The following CELSR2 variants were observed in gnomAD, a reference collection of about 807,000 sequenced individuals.
CELSR2 encodes cadherin EGF LAG seven-pass G-type receptor 2, also known as EGF-like protein 2.
A neutral mutation model predicts 251.6 loss-of-function variants in CELSR2; 81 were observed. The observed-to-expected ratio is 0.32, with a 90% CI of 0.27 to 0.39. The LOEUF is 0.39. Among genes scored for constraint, CELSR2 ranks in the 10% least tolerant of loss-of-function variants. The probability of loss-of-function intolerance (pLI) is 1.00; values close to 1 mark genes in which losing one functional copy is unlikely to be tolerated. For synonymous variants in CELSR2, 1,721 were observed against 1,670.5 expected (o/e 1.03, Z -0.74); for missense variants, 3,365 against 3,947.7 (o/e 0.85, Z 3.96).
At position 109,269,580 on chromosome 1, in the gene CELSR2, C is replaced by T. The variant is rs1215217352; in HGVS notation, c.6969C>T (p.Asn2323=). 9 of 1,614,006 alleles carry T rather than the reference C, an allele frequency of 5.6e-6. No homozygotes were observed. Among genetic ancestry groups the T allele is most frequent in the Non-Finnish European group, 7.6e-6 (9 of 1,180,016 alleles). The change falls in exon 21 of 34, where the codon AAC becomes AAT. Residue 2323 remains asparagine, a synonymous_variant. Coordinates refer to ENST00000271332, the MANE Select transcript of CELSR2 (RefSeq NM_001408.3). The surrounding 1 kb of genome is among the most constrained non-coding windows in gnomAD (Gnocchi z 6.4). ...CCAAGCCCATCTGTGTCTTCTGGAA[C>T]CATTCAATCCTGTGAGCCTGCACTG... ...ERTKPICVFW[N]HSILVSGTGG...
chr1:109,270,505 A>G lies in CELSR2; in HGVS notation c.7388A>G (p.His2463Arg). Residue 2463 changes from histidine to arginine, a missense_variant, in exon 24 of 34, where the codon CAC becomes CGC. His to Arg is a conservative substitution (Grantham distance 29). Coordinates refer to ENST00000271332, the MANE Select transcript of CELSR2 (RefSeq NM_001408.3). ...TFSWALLEAL[H>R]LYRALTEVRD... The stretch of plus-strand genomic sequence containing the variant: ...TCCTGGGCTCTGCTGGAGGCCTTGC[A>G]CCTGTACCGGGCACTCACTGAGGTG... 1.2e-6 allele frequency: 2 copies of G among 1,614,116 alleles called. No individual in the cohort carries two copies. The highest frequency in any genetic ancestry group is 1.7e-6 in the Non-Finnish European group (2 of 1,180,014).
chr1:109,269,718 G>T lies in CELSR2; in HGVS notation c.7005G>T (p.Ser2335=), dbSNP rs112535276. The part of the protein sequence containing the change: ...SILVSGTGGW[S]ARGCEVVFRN... The stretch of plus-strand genomic sequence containing the variant: ...GGGTCAGTGGCACAGGTGGCTGGTC[G>T]GCCAGAGGCTGTGAAGTCGTCTTCC... Residue 2335 remains serine, a synonymous_variant, in exon 22 of 34, where the codon TCG becomes TCT. Transcript: ENST00000271332. The surrounding 1 kb of genome is among the most constrained non-coding windows in gnomAD (Gnocchi z 6.4). 2.5e-6 allele frequency: 4 copies of T among 1,613,902 alleles called. No individual in the cohort carries two copies. In the South Asian group the frequency reaches 4.4e-5, roughly 18 times the overall value.
In CELSR2 at chr1:109,250,097, C is replaced by T. The variant is rs774501777; in HGVS notation, c.18C>T (p.Thr6=). The change falls in exon 1 of 34, where the codon ACC becomes ACT. Residue 6 remains threonine (T), a synonymous_variant. Coordinates refer to ENST00000271332, the MANE Select transcript of CELSR2 (RefSeq NM_001408.3). This position sits in a 1 kb window ranked among gnomAD's most constrained non-coding sequence, Gnocchi z 4.4. MRSPA[T]GVPLPTPPPP... is the part of the protein sequence containing the mutation. ...TGGGAGAGATGCGGAGCCCGGCCAC[C>T]GGCGTCCCCCTCCCAACGCCGCCGC... 2.0e-6 allele frequency: 3 copies of T among 1,530,868 alleles called. No homozygotes were observed. Among genetic ancestry groups the T allele is most frequent in the Middle Eastern group, 2.1e-4 (1 of 4,664 alleles). 94.8% of individuals were successfully genotyped at this position (1,530,868 alleles called of 1,614,324 possible). A position where few individuals can be genotyped will look rare whatever the true frequency, so the allele number is the denominator to read the frequency against.
chr1:109,267,901 G>A lies in CELSR2; in HGVS notation c.6159G>A (p.Gln2053=), dbSNP rs1165128428. 3.1e-5 allele frequency: 50 copies of A among 1,610,238 alleles called. No homozygotes were observed. The highest frequency in any genetic ancestry group is 4.0e-5 in the Non-Finnish European group (47 of 1,179,270). The change falls in exon 17 of 34, where the codon CAG becomes CAA. Residue 2053 remains glutamine (Q), a synonymous_variant. Transcript: ENST00000271332. ...NESGLDSGRS[Q]QLALLLRNAT... ...CAGGCCTAGACTCAGGGCGCTCCCAGCAGCTAGCCCTGCTCCTGCGCAACG... is the reference window on the plus strand; with the variant it reads ...CAGGCCTAGACTCAGGGCGCTCCCAACAGCTAGCCCTGCTCCTGCGCAACG...
rs750369884 is a variant in CELSR2 at position 109,251,894 on chromosome 1, C to T, written c.1815C>T (p.Asp605=). ...SVSVTVLDVN[D]NNPTFTQPEY... is the part of the protein sequence containing the mutation. ...GCGTGACTGTCCTGGATGTCAACGA[C>T]AACAATCCAACCTTTACCCAACCAG... The change falls in exon 1 of 34, where the codon GAC becomes GAT. Residue 605 remains aspartate (D), a synonymous_variant. Transcript: ENST00000271332. The surrounding 1 kb of genome is among the most constrained non-coding windows in gnomAD (Gnocchi z 4.9). 16 of 1,613,996 alleles carry T rather than the reference C, an allele frequency of 9.9e-6. No homozygotes were observed. Among genetic ancestry groups the T allele is most frequent in the Non-Finnish European group, 1.4e-5 (16 of 1,180,020 alleles).
chr1:109,267,285 A>G (rs951861778), intron 15 of CELSR2, among the ~76,000 whole-genome samples: 4 of 152,090 alleles, frequency 2.6e-5, no homozygotes, highest in African/African-American at 9.7e-5. Context: ...CGGAGAGCAC[A>G]AAGTGGTGGC....
At chr1:109,259,380 GAACAAGTTACTT>G (rs1224633376) in intron 2 of CELSR2, among the ~76,000 whole-genome samples, 1 of 152,270 alleles carries the variant, frequency 6.6e-6, no homozygotes, top group Non-Finnish European at 1.5e-5. Flanking sequence ...GTGTGACCTT[GAACAAGTTACTT>G]AACCTTTCTG....
chr1:109,250,612 C>T lies in CELSR2; in HGVS notation c.533C>T (p.Ala178Val), dbSNP rs1021363621. The change falls in exon 1 of 34, where the codon GCC (alanine) becomes GTC (valine). Residue 178 changes from alanine to valine, a missense_variant. Physicochemically the swap from Ala to Val is moderately conservative, Grantham distance 64. Around this residue, in one of 5 missense-constraint regions of CELSR2, gnomAD observed 704 missense variants for 784.1 expected, o/e 0.90. Transcript: ENST00000271332. The surrounding 1 kb of genome is among the most constrained non-coding windows in gnomAD (Gnocchi z 4.4). Reference protein sequence around the residue: ...GGRRKRNVNTAPQFQPPSYQA... With the variant: ...GGRRKRNVNTVPQFQPPSYQA... Reference sequence around the variant, plus strand: ...CGTCGGAAAAGGAATGTAAATACAGCCCCCCAGTTCCAGCCCCCCAGCTAC... The same window carrying T: ...CGTCGGAAAAGGAATGTAAATACAGTCCCCCAGTTCCAGCCCCCCAGCTAC... 1.2e-6 allele frequency: 2 copies of T among 1,613,814 alleles called. No homozygotes were observed. The highest frequency in any genetic ancestry group is 1.3e-5 in the African/African-American group (1 of 74,878).
Position 109,269,981 on chromosome 1 carries a change from G to A in CELSR2, c.7156G>A (p.Val2386Ile). The stretch of plus-strand genomic sequence containing the variant: ...GACACTGACATACGTGGCTCTAGGT[G>A]TCACCTTGGCTGCCCTTCTGCTCAC... ...LKTLTYVALG[V>I]TLAALLLTFF... Residue 2386 changes from valine to isoleucine, a missense_variant, in exon 23 of 34, where the codon GTC (valine) becomes ATC (isoleucine). Physicochemically the swap from Val to Ile is conservative, Grantham distance 29 (BLOSUM62 3). Transcript: ENST00000271332. The surrounding 1 kb of genome is among the most constrained non-coding windows in gnomAD (Gnocchi z 6.4). 1 of 1,614,098 alleles carries A rather than the reference G, an allele frequency of 6.2e-7. No homozygotes were observed. Among genetic ancestry groups the A allele is most frequent in the Non-Finnish European group, 8.5e-7 (1 of 1,179,990 alleles).
chr1:109,273,588 C>A lies in CELSR2; in HGVS notation c.8662C>A (p.Leu2888Ile). 2 of 1,557,892 alleles carry A rather than the reference C, an allele frequency of 1.3e-6. No homozygotes were observed. Among genetic ancestry groups the A allele is most frequent in the Non-Finnish European group, 1.7e-6 (2 of 1,151,212 alleles). ...TCCCCGCCCACCGCCCCGGCAGAGC[C>A]TCCAGGAGCAGCTGAACGGGGTCAT... is the stretch of plus-strand genomic sequence containing the variant. ...PPPRPPPRQS[L>I]QEQLNGVMPI... Residue 2888 changes from leucine to isoleucine, a missense_variant, in exon 33 of 34, where the codon CTC (leucine) becomes ATC (isoleucine). Leu to Ile is a conservative substitution (Grantham distance 5). This residue lies in a region of CELSR2 where 2,093 missense variants were observed against 2,382.8 expected (regional missense o/e 0.88). Coordinates refer to ENST00000271332, the MANE Select transcript of CELSR2 (RefSeq NM_001408.3).
At position 109,252,360 on chromosome 1, in the gene CELSR2, G is replaced by A. The variant is rs140334317; in HGVS notation, c.2281G>A (p.Asp761Asn). 2.2e-5 allele frequency: 35 copies of A among 1,613,016 alleles called. No homozygotes were observed. Among genetic ancestry groups the A allele is most frequent in the South Asian group, 4.4e-5 (4 of 91,084 alleles). The change falls in exon 1 of 34, where the codon GAT becomes AAT. Residue 761 changes from aspartate to asparagine, a missense_variant. Asp to Asn is a conservative substitution (Grantham distance 23). Coordinates refer to ENST00000271332, the MANE Select transcript of CELSR2 (RefSeq NM_001408.3). The surrounding 1 kb of genome is among the most constrained non-coding windows in gnomAD (Gnocchi z 4.8). ...GGACAGCATCCCCCAGTTCCGCATCGATGCAGACACGGGGGCTGTCACCAC... is the reference window on the plus strand; with the variant it reads ...GGACAGCATCCCCCAGTTCCGCATCAATGCAGACACGGGGGCTGTCACCAC... Reference protein sequence around the residue: ...MEDSIPQFRIDADTGAVTTQA... With the variant: ...MEDSIPQFRINADTGAVTTQA...
chr1:109,253,776 C>T (rs373857722), intron 1 of CELSR2, among the ~76,000 whole-genome samples: 5 of 152,156 alleles, frequency 3.3e-5, no homozygotes, highest in South Asian at 4.1e-4. Flanking sequence ...GGAGAGGAGG[C>T]GAGGCCAGGG....
chr1:109,261,386 G>A lies in CELSR2; in HGVS notation c.4181+122G>A, dbSNP rs1356929893. The A allele has an allele frequency of 7.4e-7, 1 of 1,343,420 alleles. No individual in the cohort carries two copies. The highest frequency in any genetic ancestry group is 2.3e-5 in the East Asian group (1 of 43,468). The allele number at this position is 1,343,420 out of a possible 1,614,324, so 83.2% of individuals were successfully genotyped here. On this transcript the variant is annotated intron_variant, in intron 3 of 33. Transcript: ENST00000271332. This position sits in a 1 kb window ranked among gnomAD's most constrained non-coding sequence, Gnocchi z 4.8. ...GTGGAGCAGGCTGCCGGCAGAGCCA[G>A]GTCTGCTCTTGGAGTTGCCTGTGGT...
rs371574420 is a variant in CELSR2, at chr1:109,251,138, C to T, written c.1059C>T (p.Gly353=). The T allele has an allele frequency of 1.2e-6, 2 of 1,613,126 alleles. No homozygotes were observed. The highest frequency in any genetic ancestry group is 1.1e-5 in the South Asian group (1 of 91,068). Residue 353 remains glycine, a synonymous_variant, in exon 1 of 34, where the codon GGC becomes GGT. Transcript: ENST00000271332. This position sits in a 1 kb window ranked among gnomAD's most constrained non-coding sequence, Gnocchi z 4.9. The part of the protein sequence containing the change: ...DPRSGVIRTR[G]PVDREEVESY... ...GCTCTGGGGTGATCCGAACCCGTGG[C>T]CCTGTGGATCGGGAAGAGGTGGAAT...
At chr1:109,254,506 G>A (rs1010847597) in intron 1 of CELSR2, among the ~76,000 whole-genome samples, 4 of 152,180 alleles carry the variant, frequency 2.6e-5, no homozygotes, top group East Asian at 1.9e-4. Flanking sequence ...CCAAGTTGCT[G>A]AGTGCCTTCC....
At position 109,262,307 on chromosome 1, in the gene CELSR2, G is replaced by A; in HGVS notation, c.4407G>A (p.Gly1469=). The change falls in exon 6 of 34, where the codon GGG becomes GGA. Residue 1469 remains glycine (G), a synonymous_variant. Transcript: ENST00000271332. The stretch of plus-strand genomic sequence containing the variant: ...CACAGCCACTGTTGGGTCAGACAGG[G>A]CTCCCACAGGGCCCATCAGAGCAGA... ...YYNKPLLGQT[G]LPQGPSEQKV... is the part of the protein sequence containing the mutation. 6.2e-7 allele frequency: 1 copy of A among 1,614,094 alleles called. No individual in the cohort carries two copies. The highest frequency in any genetic ancestry group is 8.5e-7 in the Non-Finnish European group (1 of 1,180,050).
At chr1:109,255,542 A>G (rs1291537125) in intron 1 of CELSR2, among the ~76,000 whole-genome samples, 1 of 152,178 alleles carries the variant, frequency 6.6e-6, no homozygotes, top group African/African-American at 2.4e-5. Context: ...AGCTCCCAGA[A>G]CAGCAGAGCC....
Position 109,249,621 on chromosome 1 carries a change from G to A in CELSR2, c.-459G>A, listed in dbSNP as rs555513883. On this transcript the variant is annotated 5_prime_UTR_variant, in exon 1 of 34. Coordinates refer to ENST00000271332, the MANE Select transcript of CELSR2 (RefSeq NM_001408.3). ...CGGCGACAGGCAGCAGCCGCGGCGG[G>A]GACGCGGGGCGCGAGCGGGCGGCGC... Among the ~76,000 whole-genome samples the A allele has an allele frequency of 6.8e-6, 1 of 147,182 alleles. No individual in the cohort carries two copies. The highest frequency in any genetic ancestry group is 2.1e-4 in the South Asian group (1 of 4,826).
At chr1:109,264,041 C>T (rs567734818) in intron 9 of CELSR2, 37 bp from the exon 10 acceptor site, 4 of 1,540,084 alleles carry the variant, frequency 2.6e-6, no homozygotes, top group African/African-American at 1.4e-5. Flanking sequence ...TGATTAAGGC[C>T]GTCTGCTGAC....
Sources: allele counts gnomAD v4.1 joint callset (sites outside exome capture counted in the v4.1 genomes callset), GRCh38; gene constraint gnomAD v4.1.1; regional missense constraint gnomAD v4.1.1; non-coding constraint Gnocchi (gnomAD v3.1); transcripts MANE v1.5; gene names NCBI Gene and HGNC (gene_info 2026-07-23, HGNC 2026-07-21).